The following PXDNL variants were observed in gnomAD, a reference collection of about 807,000 sequenced individuals.
The protein encoded by PXDNL is peroxidasin like, also known as probable oxidoreductase PXDNL.
Under a neutral mutation model 150.8 loss-of-function variants are expected in PXDNL, and 145 were observed. That is an observed-to-expected ratio of 0.96 (90% CI 0.84 to 1.10). The LOEUF is 1.10. Among genes scored for constraint, PXDNL ranks in the 50% least tolerant of loss-of-function variants. PXDNL has a pLI of 0.00. For synonymous variants in PXDNL, 757 were observed against 725.7 expected (o/e 1.04, Z -0.69); for missense variants, 2,087 against 1,873.9 (o/e 1.11, Z -2.10).
At chr8:51,419,257 CAA>C (rs1438673123) in intron 14 of PXDNL, among the ~76,000 whole-genome samples, 1 of 152,106 alleles carries the variant, frequency 6.6e-6, no homozygotes, top group Non-Finnish European at 1.5e-5. Flanking sequence ...TTACATGGTC[CAA>C]GTTTTTCATT....
intron 17 of PXDNL, among the ~76,000 whole-genome samples, chr8:51,406,884 C>G (rs958676175): frequency 1.3e-5 from 2 of 152,194 alleles, no homozygotes; most frequent in African/African-American, 2.4e-5. Context: ...TGTGCAATAT[C>G]GTAATGTCCC....
chr8:51,775,312 A>C (rs774430522), intron 1 of PXDNL, among the ~76,000 whole-genome samples: 2 of 152,224 alleles, frequency 1.3e-5, no homozygotes, highest in Non-Finnish European at 2.9e-5. Flanking sequence ...CAGTTGTCTT[A>C]ATATTTATTA....
intron 1 of PXDNL, among the ~76,000 whole-genome samples, chr8:51,710,879 A>C (rs1199034627): frequency 6.6e-6 from 1 of 152,208 alleles, no homozygotes; most frequent in African/African-American, 2.4e-5. Context: ...CTCAACACAA[A>C]AAAGGCCATG....
At chr8:51,652,491 T>C (rs1047947728) in intron 2 of PXDNL, among the ~76,000 whole-genome samples, 71 of 149,952 alleles carry the variant, frequency 4.7e-4, no homozygotes, top group Non-Finnish European at 9.8e-4. Flanking sequence ...ACCAACCACA[T>C]GTACACACAA....
At chr8:51,495,194 A>G (rs1046390950) in intron 5 of PXDNL, among the ~76,000 whole-genome samples, 8 of 151,458 alleles carry the variant, frequency 5.3e-5, no homozygotes, top group Non-Finnish European at 4.4e-5. Flanking sequence ...GGTACATAAC[A>G]AAATGAAGGC....
chr8:51,612,266 T>G (rs1406152248), intron 2 of PXDNL, among the ~76,000 whole-genome samples: 1 of 152,138 alleles, frequency 6.6e-6, no homozygotes, highest in Admixed American at 6.5e-5. Context: ...TCCTTTGTCC[T>G]CTGACCTCCA....
chr8:51,534,354 G>T (rs1284970514), intron 4 of PXDNL, among the ~76,000 whole-genome samples: 1 of 137,536 alleles, frequency 7.3e-6, no homozygotes, highest in Non-Finnish European at 1.5e-5. Flanking sequence ...GAGGGAGGTG[G>T]GGGGGGGTCA....
chr8:51,486,785 T>A (rs1810763782), intron 5 of PXDNL, among the ~76,000 whole-genome samples: 1 of 23,846 alleles, frequency 4.2e-5, no homozygotes, highest in African/African-American at 1.6e-4. Context: ...TATATATATA[T>A]ATATATATAT....
chr8:51,608,046 A>AAAGC (rs1813891962), intron 2 of PXDNL, among the ~76,000 whole-genome samples: 3 of 116,568 alleles, frequency 2.6e-5, no homozygotes, highest in Non-Finnish European at 5.3e-5. Flanking sequence ...AGAAAGAAAG[A>AAAGC]AAGAAAGAAA....
At chr8:51,760,629 T>C (rs958016669) in intron 1 of PXDNL, among the ~76,000 whole-genome samples, 1 of 152,170 alleles carries the variant, frequency 6.6e-6, no homozygotes, top group African/African-American at 2.4e-5. Context: ...TAAAATAATA[T>C]GAACTGGTGG....
chr8:51,378,387 A>G (rs181418559), intron 17 of PXDNL, among the ~76,000 whole-genome samples: 18 of 152,268 alleles, frequency 1.2e-4, no homozygotes, highest in Admixed American at 1.0e-3. Context: ...TAGCTAATCT[A>G]GTGAGGACTT....
chr8:51,465,105 G>C (rs950292491), intron 8 of PXDNL, among the ~76,000 whole-genome samples: 1 of 151,996 alleles, frequency 6.6e-6, no homozygotes, highest in African/African-American at 2.4e-5. Flanking sequence ...CAACAAAAAA[G>C]GAAACCATGG....
At chr8:51,432,487 G>A (rs1809274722) in intron 12 of PXDNL, among the ~76,000 whole-genome samples, 1 of 152,188 alleles carries the variant, frequency 6.6e-6, no homozygotes, top group African/African-American at 2.4e-5. Flanking sequence ...ATAAATCAAT[G>A]TTGGAAGAAT....
Position 51,465,603 on chromosome 8 carries a change from G to A in PXDNL, c.812+6584C>T, listed in dbSNP as rs566915515. On this transcript the variant is annotated intron_variant, in intron 8 of 22. Transcript: ENST00000356297. ...TAAATGACATCCAAATAGAAGAAAA[G>A]TCAAACTATCTCTATTTGCTGATAA... Among the ~76,000 whole-genome samples, 3 of 152,128 alleles carry A rather than the reference G, an allele frequency of 2.0e-5. No homozygotes were observed. In the South Asian group the frequency reaches 6.2e-4, roughly 32 times the overall value.
intron 17 of PXDNL, among the ~76,000 whole-genome samples, chr8:51,401,459 C>T (rs964550557): frequency 3.9e-5 from 6 of 152,086 alleles, no homozygotes; most frequent in Non-Finnish European, 8.8e-5. Context: ...CTCCAGAGGC[C>T]CAGCTATGTT....
chr8:51,781,556 A>G (rs1382504562), intron 1 of PXDNL, among the ~76,000 whole-genome samples: 1 of 151,800 alleles, frequency 6.6e-6, no homozygotes, highest in African/African-American at 2.4e-5. Context: ...TCACTTTACA[A>G]TTTTTCTGAT....
chr8:51,627,330 A>G (rs1814381536), intron 2 of PXDNL, among the ~76,000 whole-genome samples: 1 of 152,218 alleles, frequency 6.6e-6, no homozygotes, highest in South Asian at 2.1e-4. Context: ...GAGATTTAAT[A>G]GGAAGTCAGC....
At chr8:51,515,152 G>T (rs940397465) in intron 4 of PXDNL, among the ~76,000 whole-genome samples, 2 of 152,228 alleles carry the variant, frequency 1.3e-5, no homozygotes, top group African/African-American at 4.8e-5. Context: ...GCCTGCTGAG[G>T]AGGGAAGGGG....
intron 2 of PXDNL, among the ~76,000 whole-genome samples, chr8:51,649,751 T>C (rs1368029690): frequency 6.6e-6 from 1 of 152,202 alleles, no homozygotes; most frequent in Non-Finnish European, 1.5e-5. Flanking sequence ...AACATTTTAT[T>C]GACTTTAGAA....
Sources: gnomAD v4.1 joint callset for allele counts (sites outside exome capture counted in the v4.1 genomes callset) on GRCh38, gnomAD v4.1.1 for gene constraint, MANE v1.5 for transcripts, NCBI Gene and HGNC (gene_info 2026-07-23, HGNC 2026-07-21) for gene names.